Variants in TM9SF4 observed in about 807,000 individuals in gnomAD.
TM9SF4 encodes dinucleotide oxidase disulfide thiol exchanger 3 superfamily member 4.
TM9SF4 carries 26 observed loss-of-function variants against 90.4 expected under a neutral mutation model. That is an observed-to-expected ratio of 0.29 (90% CI 0.21 to 0.40). The LOEUF (loss-of-function observed/expected upper bound fraction) is 0.40. Ranked by LOEUF, TM9SF4 falls within the 10% of genes least tolerant of loss-of-function variation. The probability of loss-of-function intolerance (pLI) is 1.00; values close to 1 mark genes in which losing one functional copy is unlikely to be tolerated. For synonymous variants in TM9SF4, 293 were observed against 315.4 expected, an observed-to-expected ratio of 0.93 and a Z score of 0.75; for missense variants, 549 against 834.8, an observed-to-expected ratio of 0.66 and a Z score of 4.22.
In TM9SF4 at chr20:32,150,694, T is replaced by C; in HGVS notation, c.1160T>C (p.Met387Thr). The C allele has an allele frequency of 3.1e-6, 5 of 1,614,208 alleles. No homozygotes were observed. The highest frequency in any genetic ancestry group is 3.4e-6 in the Non-Finnish European group (4 of 1,180,034). ...ALMTTACFLF[M>T]FMGVFGGFSA... ...ATGACCACAGCCTGCTTCCTCTTCATGTTCATGGGGTAGGTGTGTCTGAGT... is the reference window on the plus strand; with the variant it reads ...ATGACCACAGCCTGCTTCCTCTTCACGTTCATGGGGTAGGTGTGTCTGAGT... The change falls in exon 11 of 18, where the codon ATG (methionine) becomes ACG (threonine). Residue 387 changes from methionine (M) to threonine (T), a missense_variant. By Grantham distance (81) the Met-to-Thr change is moderately conservative. Around this residue, in one of 2 missense-constraint regions of TM9SF4, gnomAD observed 495 missense variants for 711.7 expected, o/e 0.70. Transcript: ENST00000398022.
At chr20:32,111,627 A>G (rs945509021) in intron 1 of TM9SF4, among the ~76,000 whole-genome samples, 1 of 152,202 alleles carries the variant, frequency 6.6e-6, no homozygotes, top group Non-Finnish European at 1.5e-5. Context: ...CAGCAAAATG[A>G]AGTGATAGTG....
chr20:32,142,021 C>G (rs561810028), intron 5 of TM9SF4, 126 bp downstream of exon 5: 1 of 1,480,702 alleles, frequency 6.8e-7, no homozygotes, highest in East Asian at 2.3e-5. Flanking sequence ...GCATGATGGT[C>G]TGTCAGAGGT....
At chr20:32,123,052 G>C (rs1365926852) in intron 1 of TM9SF4, among the ~76,000 whole-genome samples, 5 of 149,740 alleles carry the variant, frequency 3.3e-5, no homozygotes, top group African/African-American at 4.9e-5. Flanking sequence ...GCCTGCAATT[G>C]CAGGCACTCC....
chr20:32,149,615 C>T lies in TM9SF4; in HGVS notation c.955-19C>T, dbSNP rs1202929443. On this transcript the variant is annotated intron_variant, in intron 9 of 17. Transcript: ENST00000398022. ...CCTCCATCTTCAACAACCAGCCTCA[C>T]TCTGGCCCTTCGCTGCAGGAAGACA... 1 of 1,614,212 alleles carries T rather than the reference C, an allele frequency of 6.2e-7. No individual in the cohort carries two copies. Among genetic ancestry groups the T allele is most frequent in the Non-Finnish European group, 8.5e-7 (1 of 1,180,042 alleles).
intron 12 of TM9SF4, among the ~76,000 whole-genome samples, chr20:32,154,808 A>G (rs1047227802): frequency 2.6e-5 from 4 of 152,062 alleles, no homozygotes; most frequent in Non-Finnish European, 4.4e-5. Context: ...AGGTAGACAC[A>G]CTCCTCCCAA....
At chr20:32,143,642 C>T (rs1048193851) in intron 6 of TM9SF4, among the ~76,000 whole-genome samples, 11 of 152,178 alleles carry the variant, frequency 7.2e-5, no homozygotes, top group Admixed American at 2.6e-4. Flanking sequence ...TCCGGCTTTG[C>T]CTCACCTCTT....
chr20:32,129,207 G>T (rs1455193925), intron 1 of TM9SF4, among the ~76,000 whole-genome samples: 2 of 152,080 alleles, frequency 1.3e-5, no homozygotes, highest in Admixed American at 6.6e-5. Flanking sequence ...CTCAAGAAAT[G>T]TATCGGCCAG....
chr20:32,158,466 G>A lies in TM9SF4; in HGVS notation c.1521G>A (p.Gly507=). Residue 507 remains glycine (G), a synonymous_variant, in exon 15 of 18, where the codon GGG becomes GGA. Transcript: ENST00000398022. ...TCTGTGGCAGCATCCTCATGGCTGGGATCTTGCCCTTCGGCGCCATGTTCA... is the reference window on the plus strand; with the variant it reads ...TCTGTGGCAGCATCCTCATGGCTGGAATCTTGCCCTTCGGCGCCATGTTCA... ...MNRFVGILMA[G]ILPFGAMFIE... 1 of 1,614,198 alleles carries A rather than the reference G, an allele frequency of 6.2e-7. No individual in the cohort carries two copies. The highest frequency in any genetic ancestry group is 1.1e-5 in the South Asian group (1 of 91,086).
intron 1 of TM9SF4, among the ~76,000 whole-genome samples, chr20:32,123,866 A>ATATATTTTTTTTTTT: frequency 4.3e-5 from 4 of 93,956 alleles, no homozygotes; most frequent in African/African-American, 9.1e-5. Context: ...ATATATATAT[A>ATATATTTTTTTTTTT]TTTTTTTTTT....
chr20:32,129,067 GA>G (rs1306337237), intron 1 of TM9SF4, among the ~76,000 whole-genome samples: 1 of 151,502 alleles, frequency 6.6e-6, no homozygotes, highest in African/African-American at 2.4e-5. Context: ...CACAAAAAAG[GA>G]AAAAAGCTCA....
intron 16 of TM9SF4, among the ~76,000 whole-genome samples, chr20:32,160,435 C>A (rs1479519643): frequency 6.6e-6 from 1 of 152,184 alleles, no homozygotes; most frequent in Non-Finnish European, 1.5e-5. Flanking sequence ...CCTGCCCTCC[C>A]TCTGGGAACT....
At chr20:32,130,996 T>C (rs1171672296) in intron 1 of TM9SF4, among the ~76,000 whole-genome samples, 1 of 152,102 alleles carries the variant, frequency 6.6e-6, no homozygotes, top group African/African-American at 2.4e-5. Flanking sequence ...TAAATTTACT[T>C]AAAAATAAAA....
intron 1 of TM9SF4, among the ~76,000 whole-genome samples, chr20:32,113,496 T>C (rs1207858477): frequency 6.6e-6 from 1 of 152,204 alleles, no homozygotes; most frequent in African/African-American, 2.4e-5. Flanking sequence ...TCACTCTTTA[T>C]GGAAAACGGT....
At chr20:32,163,264 AAAAAATATAT>A (rs1224210465) in intron 17 of TM9SF4, among the ~76,000 whole-genome samples, 1 of 79,798 alleles carries the variant, frequency 1.3e-5, no homozygotes, top group Non-Finnish European at 2.3e-5. Context: ...AAAAAAAAAA[AAAAAATATAT>A]ATATATATAT....
At chr20:32,141,439 C>G (rs1344490089) in intron 3 of TM9SF4, 58 bp from the exon 4 acceptor site, 1 of 1,593,584 alleles carries the variant, frequency 6.3e-7, no homozygotes, top group African/African-American at 1.3e-5. Flanking sequence ...TGTGACTCTG[C>G]TGACCTCAGC....
intron 1 of TM9SF4, among the ~76,000 whole-genome samples, chr20:32,126,050 A>G (rs1464290862): frequency 2.2e-5 from 3 of 133,392 alleles, no homozygotes; most frequent in Non-Finnish European, 4.8e-5. Context: ...TGTGCTGCAC[A>G]CAGCCCTCTT....
chr20:32,133,016 TG>T lies in TM9SF4; in HGVS notation c.21del (p.Trp7CysfsTer11). On this transcript the variant is annotated frameshift_variant, in exon 2 of 18. Transcript: ENST00000398022. LOFTEE classifies it high-confidence loss of function. MATAMD[W>X]LPWSLLLFSL... ...CCCTGGCCTCTCTTCTGAGCAGGAT[TG>T]GTTGCCGTGGTCTTTACTGCTTTTC... is the stretch of plus-strand genomic sequence containing the variant. 6.2e-7 allele frequency: 1 copy of T among 1,614,146 alleles called. No individual in the cohort carries two copies. The highest frequency in any genetic ancestry group is 8.5e-7 in the Non-Finnish European group (1 of 1,179,984).
chr20:32,165,691 G>A lies in TM9SF4; in HGVS notation c.*247G>A. ...TGGGTTGCTTTTTCTTCAGTGCTAAGAAAGTTCCCTCCAACAGGAACTCTC... is the reference window on the plus strand; with the variant it reads ...TGGGTTGCTTTTTCTTCAGTGCTAAAAAAGTTCCCTCCAACAGGAACTCTC... On this transcript the variant is annotated 3_prime_UTR_variant, in exon 18 of 18. Coordinates refer to ENST00000398022, the MANE Select transcript of TM9SF4 (RefSeq NM_014742.4). 1 of 501,752 alleles carries A rather than the reference G, an allele frequency of 2.0e-6. No homozygotes were observed. Among genetic ancestry groups the A allele is most frequent in the South Asian group, 2.5e-5 (1 of 39,300 alleles). 31.1% of individuals were successfully genotyped at this position (501,752 alleles called of 1,614,324 possible).
At chr20:32,122,152 G>C (rs1391946751) in intron 1 of TM9SF4, among the ~76,000 whole-genome samples, 2 of 143,826 alleles carry the variant, frequency 1.4e-5, no homozygotes, top group Admixed American at 1.3e-4. Context: ...GGCCGGGCGG[G>C]GGGGGTGACC....
Sources: allele counts gnomAD v4.1 joint callset (sites outside exome capture counted in the v4.1 genomes callset), GRCh38; gene constraint gnomAD v4.1.1; regional missense constraint gnomAD v4.1.1; transcripts MANE v1.5; gene names NCBI Gene and HGNC (gene_info 2026-07-23, HGNC 2026-07-21).